The following SH3PXD2A variants were observed in gnomAD, a reference collection of about 807,000 sequenced individuals.
SH3PXD2A encodes SH3 and PX domains 2A, also known as SH3 and PX domain-containing protein 2A.
In SH3PXD2A, 32 loss-of-function variants were observed where a neutral mutation model predicts 115.2. The observed-to-expected ratio is 0.28, with a 90% CI of 0.21 to 0.37. SH3PXD2A has a LOEUF of 0.37. SH3PXD2A is among the 10% of genes least tolerant of loss of function. SH3PXD2A has a pLI of 1.00. For synonymous variants in SH3PXD2A, 610 were observed against 629.1 expected, an observed-to-expected ratio of 0.97 and a Z score of 0.45; for missense variants, 1,328 against 1,498.7, an observed-to-expected ratio of 0.89 and a Z score of 1.88.
chr10:103,634,094 G>T (rs1327178365), intron 8 of SH3PXD2A, among the ~76,000 whole-genome samples: 2 of 152,244 alleles, frequency 1.3e-5, no homozygotes, highest in Non-Finnish European at 1.5e-5. Context: ...GGCCAGGCCT[G>T]CTCCGCCCCC....
intron 8 of SH3PXD2A, among the ~76,000 whole-genome samples, chr10:103,648,146 G>A (rs1469600191): frequency 6.6e-6 from 1 of 152,154 alleles, no homozygotes; most frequent in Non-Finnish European, 1.5e-5. Flanking sequence ...CGATGAGAAG[G>A]GCCCAGGTAG....
At chr10:103,652,708 C>T (rs1335099865) in intron 8 of SH3PXD2A, among the ~76,000 whole-genome samples, 1 of 151,974 alleles carries the variant, frequency 6.6e-6, no homozygotes, top group Admixed American at 6.6e-5. Flanking sequence ...GCACTTCAGC[C>T]GGGGAGGGGG....
At chr10:103,739,690 G>A (rs1451346236) in intron 3 of SH3PXD2A, among the ~76,000 whole-genome samples, 2 of 152,220 alleles carry the variant, frequency 1.3e-5, no homozygotes, top group Admixed American at 6.5e-5. Flanking sequence ...AGTCTTCAAA[G>A]CCATCCAGAT....
At chr10:103,641,605 C>A (rs1471835961) in intron 8 of SH3PXD2A, among the ~76,000 whole-genome samples, 3 of 152,042 alleles carry the variant, frequency 2.0e-5, no homozygotes, top group Non-Finnish European at 4.4e-5. Context: ...AATGCCTGCT[C>A]TATTATGCCC....
chr10:103,735,844 C>T (rs758028904), intron 3 of SH3PXD2A, 36 bp from the exon 4 acceptor site: 5 of 1,548,984 alleles, frequency 3.2e-6, no homozygotes, highest in Non-Finnish European at 4.5e-6. Flanking sequence ...GGGATTCTGG[C>T]TAAAACTGCT....
Position 103,602,254 on chromosome 10 carries a change from G to T in SH3PXD2A, c.2964C>A (p.Pro988=). The change falls in exon 15 of 15, where the codon CCC becomes CCA. Residue 988 remains proline, a synonymous_variant. Coordinates refer to ENST00000369774, the MANE Select transcript of SH3PXD2A (RefSeq NM_001394015.1). ...GGGCGCAGGACAGGTTGTTGTCCTT[G>T]GGTGGCGGGGACACAAACACCGACT... The part of the protein sequence containing the change: ...RPQSVFVSPP[P]KDNNLSCALR... The T allele has an allele frequency of 6.2e-7, 1 of 1,611,722 alleles. No individual in the cohort carries two copies. The highest frequency in any genetic ancestry group is 8.5e-7 in the Non-Finnish European group (1 of 1,178,968).
At chr10:103,753,444 C>T (rs924874539) in intron 3 of SH3PXD2A, among the ~76,000 whole-genome samples, 7 of 139,454 alleles carry the variant, frequency 5.0e-5, no homozygotes, top group Admixed American at 7.9e-5. Flanking sequence ...TGCAGTGAGT[C>T]GAGATTGTCC....
chr10:103,646,834 G>A (rs949923661), intron 8 of SH3PXD2A, among the ~76,000 whole-genome samples: 17 of 152,274 alleles, frequency 1.1e-4, no homozygotes, highest in African/African-American at 1.7e-4. Flanking sequence ...GGTTTTCTCC[G>A]CTCTGAATAA....
At chr10:103,681,967 G>T (rs759543632) in intron 6 of SH3PXD2A, among the ~76,000 whole-genome samples, 8 of 152,224 alleles carry the variant, frequency 5.3e-5, no homozygotes, top group Non-Finnish European at 1.0e-4. Context: ...CGCTGATTCA[G>T]TAGGTCTGGG....
rs562625866 is a variant in SH3PXD2A at position 103,700,972 on chromosome 10, C to T, written c.399-7916G>A. ...ATCATCCATCCATCCATCCATCCAC[C>T]ATCCATCCATCCATCATCCATTTAC... On this transcript the variant is annotated intron_variant, in intron 5 of 14. Coordinates refer to ENST00000369774, the MANE Select transcript of SH3PXD2A (RefSeq NM_001394015.1). 3.9e-4 allele frequency among the ~76,000 whole-genome samples: 59 copies of T among 151,004 alleles called. 1 individual carries two copies. The highest frequency in any genetic ancestry group is 1.3e-3 in the African/African-American group (55 of 41,100).
chr10:103,621,969 T>C (rs2036611715), intron 10 of SH3PXD2A, among the ~76,000 whole-genome samples: 1 of 152,220 alleles, frequency 6.6e-6, no homozygotes, highest in African/African-American at 2.4e-5. Flanking sequence ...TCCGTGGAGC[T>C]GGCAGGAGGA....
chr10:103,796,859 CT>C (rs11352709), intron 2 of SH3PXD2A, among the ~76,000 whole-genome samples: 64,338 of 113,924 alleles, frequency 0.56, 17,470 homozygotes, highest in East Asian at 0.9. Context: ...TTTGGAACAT[CT>C]TTTTTTTTTT....
At position 103,603,644 on chromosome 10, in the gene SH3PXD2A, G is replaced by A; in HGVS notation, c.1574C>T (p.Pro525Leu). The change falls in exon 15 of 15, where the codon CCA (proline) becomes CTA (leucine). Residue 525 changes from proline to leucine, a missense_variant. By Grantham distance (98) the Pro-to-Leu change is moderately conservative (BLOSUM62 -3). Transcript: ENST00000369774. ...STLTRPKVPPPAPPSKPKEAE... is the reference protein window; with the variant it reads ...STLTRPKVPPLAPPSKPKEAE... ...CTCCTTGGGCTTGCTGGGGGGTGCTGGCGGGGGCACCTTGGGCCGGGTCAG... is the reference window on the plus strand; with the variant it reads ...CTCCTTGGGCTTGCTGGGGGGTGCTAGCGGGGGCACCTTGGGCCGGGTCAG... 3 of 1,604,646 alleles carry A rather than the reference G, an allele frequency of 1.9e-6. No homozygotes were observed. Among genetic ancestry groups the A allele is most frequent in the Non-Finnish European group, 2.6e-6 (3 of 1,175,526 alleles).
At chr10:103,608,448 A>G (rs1215533448) in intron 13 of SH3PXD2A, among the ~76,000 whole-genome samples, 12 of 148,278 alleles carry the variant, frequency 8.1e-5, no homozygotes, top group Admixed American at 7.3e-4. Context: ...AAAAAAAAAA[A>G]AAGAAAAATT....
intron 11 of SH3PXD2A, among the ~76,000 whole-genome samples, chr10:103,614,401 C>G (rs752064241): frequency 1.3e-5 from 2 of 151,874 alleles, no homozygotes; most frequent in Non-Finnish European, 2.9e-5. Context: ...AGTGGGGCTC[C>G]AAAAGCAGAA....
At chr10:103,789,437 G>C (rs1475244103) in intron 2 of SH3PXD2A, among the ~76,000 whole-genome samples, 1 of 152,144 alleles carries the variant, frequency 6.6e-6, no homozygotes, top group African/African-American at 2.4e-5. Context: ...CGTAGCTAGT[G>C]CTCCTCCAGA....
chr10:103,623,367 C>T (rs1564846877), intron 9 of SH3PXD2A, among the ~76,000 whole-genome samples: 2 of 152,148 alleles, frequency 1.3e-5, no homozygotes, highest in East Asian at 1.9e-4. Context: ...GCCCCCTGCA[C>T]CCTCTGCTCA....
intron 5 of SH3PXD2A, among the ~76,000 whole-genome samples, chr10:103,705,495 A>C (rs565811784): frequency 2.9e-4 from 44 of 152,334 alleles, no homozygotes; most frequent in Non-Finnish European, 5.4e-4. Context: ...ACATCAGCTC[A>C]TTTTATCCTC....
chr10:103,824,085 G>A (rs1232980938), intron 1 of SH3PXD2A, among the ~76,000 whole-genome samples: 1 of 152,188 alleles, frequency 6.6e-6, no homozygotes, highest in Non-Finnish European at 1.5e-5. Context: ...GAAGCTCTGA[G>A]GAATGTGCCT....
Sources: allele counts gnomAD v4.1 joint callset (sites outside exome capture counted in the v4.1 genomes callset), GRCh38; gene constraint gnomAD v4.1.1; transcripts MANE v1.5; gene names NCBI Gene and HGNC (gene_info 2026-07-23, HGNC 2026-07-21).